The following EPB41L1 variants were observed in gnomAD, a reference collection of about 807,000 sequenced individuals.
EPB41L1 encodes the protein erythrocyte membrane protein band 4.1 like 1, also known as band 4.1-like protein 1.
EPB41L1 carries 29 observed loss-of-function variants against 97.8 expected under a neutral mutation model. The ratio of observed to expected loss-of-function variants is 0.30; its 90% CI spans 0.22 to 0.40. The LOEUF (loss-of-function observed/expected upper bound fraction) is 0.40. Ranked by LOEUF, EPB41L1 falls within the 10% of genes least tolerant of loss-of-function variation. The pLI is 1.00. For synonymous variants in EPB41L1, 383 were observed against 459.2 expected, an observed-to-expected ratio of 0.83 and a Z score of 2.12; for missense variants, 812 against 1,162.3, an observed-to-expected ratio of 0.70 and a Z score of 4.38.
chr20:36,163,727 G>A (rs1048983401), intron 1 of EPB41L1, among the ~76,000 whole-genome samples: 3 of 152,140 alleles, frequency 2.0e-5, no homozygotes, highest in East Asian at 1.9e-4. Flanking sequence ...CCTGAGTTCC[G>A]TGACTGGTAG....
At chr20:36,214,518 C>T (rs1028272789) in intron 17 of EPB41L1, 78 bp downstream of exon 17, 4 of 1,223,164 alleles carry the variant, frequency 3.3e-6, no homozygotes, top group African/African-American at 3.0e-5. Context: ...GCTAACATCG[C>T]CTGGCTGCTT....
chr20:36,145,744 A>G (rs537134741), intron 2 of EPB41L1, among the ~76,000 whole-genome samples: 1 of 152,344 alleles, frequency 6.6e-6, no homozygotes, highest in African/African-American at 2.4e-5. Flanking sequence ...ACCACTAACC[A>G]CATGTGGCTA....
Position 36,171,573 on chromosome 20 carries a change from A to G in EPB41L1, c.-14-2191A>G, listed in dbSNP as rs150142100. On this transcript the variant is annotated intron_variant, in intron 1 of 21. Coordinates refer to ENST00000338074, the MANE Select transcript of EPB41L1 (RefSeq NM_012156.2). ...CCACGCAAAAAGCCTTTCCACCGTT[A>G]TCCACTCTGTGGGGGGCTGAGGATG... Among the ~76,000 whole-genome samples the G allele has an allele frequency of 7.3e-3, 1,115 of 152,198 alleles. 13 individuals carry two copies. The highest frequency in any genetic ancestry group is 0.025 in the African/African-American group (1,057 of 41,532).
chr20:36,198,785 T>C (rs2062343312), intron 14 of EPB41L1, among the ~76,000 whole-genome samples: 1 of 152,218 alleles, frequency 6.6e-6, no homozygotes, highest in Non-Finnish European at 1.5e-5. Context: ...AGCTATTGCT[T>C]ACTGGTCTCA....
intron 2 of EPB41L1, among the ~76,000 whole-genome samples, chr20:36,125,057 A>AATGTAACT (rs1434309932): frequency 6.6e-6 from 1 of 152,090 alleles, no homozygotes; most frequent in East Asian, 1.9e-4. Flanking sequence ...CTGGGCCATT[A>AATGTAACT]ATGTAACTAT....
At chr20:36,223,122 C>T (rs2104010) in intron 21 of EPB41L1, among the ~76,000 whole-genome samples, 118,840 of 152,224 alleles carry the variant, frequency 0.78, 47,448 homozygotes, top group African/African-American at 0.95. Context: ...AGTCTCGATC[C>T]CCTGACCTCG....
intron 11 of EPB41L1, among the ~76,000 whole-genome samples, chr20:36,191,433 G>A (rs888238382): frequency 1.3e-5 from 2 of 152,142 alleles, no homozygotes; most frequent in East Asian, 1.9e-4. Flanking sequence ...ATATAGTCCT[G>A]TAGCAAGCAG....
At chr20:36,146,508 C>T (rs2059838304) in intron 2 of EPB41L1, among the ~76,000 whole-genome samples, 1 of 152,258 alleles carries the variant, frequency 6.6e-6, no homozygotes, top group Non-Finnish European at 1.5e-5. Flanking sequence ...GACGACTTCT[C>T]TGCCCAGCCT....
intron 2 of EPB41L1, among the ~76,000 whole-genome samples, chr20:36,147,878 G>A (rs921292296): frequency 5.3e-5 from 8 of 152,222 alleles, no homozygotes; most frequent in African/African-American, 1.9e-4. Flanking sequence ...GGGAGGCTGG[G>A]TGGACATCTG....
intron 15 of EPB41L1, 113 bp downstream of exon 15, chr20:36,210,011 G>A (rs1232737182): frequency 1.3e-5 from 17 of 1,313,746 alleles, no homozygotes; most frequent in East Asian, 1.0e-4. Context: ...GCTCTGTCTC[G>A]TGTTGCATGA....
chr20:36,194,197 C>T lies in EPB41L1; in HGVS notation c.1301-15C>T. 2 of 1,613,078 alleles carry T rather than the reference C, an allele frequency of 1.2e-6. No homozygotes were observed. Among genetic ancestry groups the T allele is most frequent in the Non-Finnish European group, 1.7e-6 (2 of 1,180,012 alleles). ...GGGTCTCACATGGTTGCCTGGCTAT[C>T]TCCACCCACTTCAGCAGAGTTCTCC... On this transcript the variant is annotated splice_polypyrimidine_tract_variant and intron_variant, in intron 11 of 21. Transcript: ENST00000338074.
At chr20:36,214,480 C>T (rs767261484) in intron 17 of EPB41L1, 40 bp downstream of exon 17, 3 of 1,527,282 alleles carry the variant, frequency 2.0e-6, no homozygotes, top group Admixed American at 1.7e-5. Flanking sequence ...TGACCAGCCC[C>T]CTGCCCCACC....
At chr20:36,220,325 T>C (rs2063709746) in intron 19 of EPB41L1, among the ~76,000 whole-genome samples, 1 of 152,198 alleles carries the variant, frequency 6.6e-6, no homozygotes, top group African/African-American at 2.4e-5. Context: ...TGAGCAGATG[T>C]TAGTGAGTGT....
chr20:36,107,938 A>G (rs966253012), intron 1 of EPB41L1, among the ~76,000 whole-genome samples: 2 of 151,994 alleles, frequency 1.3e-5, no homozygotes, highest in Non-Finnish European at 2.9e-5. Context: ...TTAGAAGAGG[A>G]TGTATTAAAA....
At position 36,178,119 on chromosome 20, in the gene EPB41L1, C is replaced by A. The variant is rs571171400; in HGVS notation, c.447+63C>A. On this transcript the variant is annotated intron_variant, in intron 4 of 21. Transcript: ENST00000338074. ...CGTTAGGCTCCTGTAATCCTGGCCA[C>A]CCCCAACAGCATCCATTAGTGCTCA... 66 of 1,199,670 alleles carry A rather than the reference C, an allele frequency of 5.5e-5. No homozygotes were observed. In the African/African-American group the frequency reaches 9.7e-4, roughly 18 times the overall value. The allele number at this position is 1,199,670 out of a possible 1,614,324, so 74.3% of individuals were successfully genotyped here.
chr20:36,225,944 C>T (rs1472837638), intron 21 of EPB41L1, among the ~76,000 whole-genome samples: 1 of 152,166 alleles, frequency 6.6e-6, no homozygotes, highest in Admixed American at 6.5e-5. Flanking sequence ...CTGCCATTGC[C>T]CCACGCACCA....
At chr20:36,221,361 G>A (rs1247667752) in intron 19 of EPB41L1, among the ~76,000 whole-genome samples, 1 of 152,246 alleles carries the variant, frequency 6.6e-6, no homozygotes, top group East Asian at 1.9e-4. Flanking sequence ...TTTCATTCAT[G>A]TGTTCATTCA....
Position 36,170,006 on chromosome 20 carries a change from A to AG in EPB41L1, c.-14-3758_-14-3757insG, listed in dbSNP as rs759617765. Among the ~76,000 whole-genome samples, 125 of 152,236 alleles carry AG rather than the reference A, an allele frequency of 8.2e-4. 1 individual carries two copies. Among genetic ancestry groups the AG allele is most frequent in the South Asian group, 1.9e-3 (9 of 4,822 alleles). Reference sequence around the variant, plus strand: ...CAGCAGGCTCCATCAGTCTGTGCTCACCTGGGCCTGGGCAGAACCATGCCC... The same window carrying AG: ...CAGCAGGCTCCATCAGTCTGTGCTCAGCCTGGGCCTGGGCAGAACCATGCCC... On this transcript the variant is annotated intron_variant, in intron 1 of 21. Coordinates refer to ENST00000338074, the MANE Select transcript of EPB41L1 (RefSeq NM_012156.2).
intron 11 of EPB41L1, among the ~76,000 whole-genome samples, chr20:36,193,766 C>G (rs1265619989): frequency 1.3e-5 from 2 of 152,240 alleles, no homozygotes; most frequent in Non-Finnish European, 2.9e-5. Flanking sequence ...ACCACAACCA[C>G]CACAACCAAA....
Sources: gnomAD v4.1 joint callset for allele counts (sites outside exome capture counted in the v4.1 genomes callset) on GRCh38, gnomAD v4.1.1 for gene constraint, MANE v1.5 for transcripts, NCBI Gene and HGNC (gene_info 2026-07-23, HGNC 2026-07-21) for gene names.